Variants in SPRYD7 observed in about 807,000 individuals in gnomAD.
SPRYD7 encodes SPRY domain-containing protein 7.
SPRYD7 carries 14 observed loss-of-function variants against 23.8 expected under a neutral mutation model. The ratio of observed to expected loss-of-function variants is 0.59; its 90% CI spans 0.39 to 0.92. The LOEUF (loss-of-function observed/expected upper bound fraction) is 0.92. Ranked by LOEUF, SPRYD7 falls within the 40% of genes least tolerant of loss-of-function variation. The probability of loss-of-function intolerance (pLI) is 0.00; values close to 1 mark genes in which losing one functional copy is unlikely to be tolerated. For missense variants in SPRYD7, 194 were observed against 241.7 expected (o/e 0.80, Z 1.31); for synonymous variants, 75 against 84.9 (o/e 0.88, Z 0.64).
intron 4 of SPRYD7, among the ~76,000 whole-genome samples, chr13:49,917,564 T>A (rs1453749420): frequency 6.6e-6 from 1 of 152,248 alleles, no homozygotes; most frequent in East Asian, 1.9e-4. Context: ...TTATCTTTGA[T>A]AGGATCAGGC....
At chr13:49,924,498 G>T (rs1955856977) in intron 3 of SPRYD7, among the ~76,000 whole-genome samples, 1 of 151,588 alleles carries the variant, frequency 6.6e-6, no homozygotes, top group African/African-American at 2.4e-5. Flanking sequence ...GTAGAGATGG[G>T]GTCTCACTAT....
chr13:49,916,061 G>T (rs1955748036), intron 4 of SPRYD7, among the ~76,000 whole-genome samples: 1 of 152,138 alleles, frequency 6.6e-6, no homozygotes, highest in South Asian at 2.1e-4. Flanking sequence ...TGGTGAGTAG[G>T]ATATAAGAGG....
intron 3 of SPRYD7, among the ~76,000 whole-genome samples, chr13:49,922,273 TTAAAA>T (rs1401498246): frequency 1.1e-4 from 16 of 149,642 alleles, no homozygotes; most frequent in Non-Finnish European, 2.4e-4. Context: ...ATAATTATTG[TTAAAA>T]TAATTATTTT....
At chr13:49,926,199 A>G (rs1955880921) in intron 3 of SPRYD7, among the ~76,000 whole-genome samples, 1 of 152,204 alleles carries the variant, frequency 6.6e-6, no homozygotes, top group South Asian at 2.1e-4. Context: ...CTCGAAGTCT[A>G]ATTTAACAAC....
intron 1 of SPRYD7, among the ~76,000 whole-genome samples, 188 bp from the exon 2 acceptor site, chr13:49,931,322 G>A (rs1955946067): frequency 6.6e-6 from 1 of 152,134 alleles, no homozygotes; most frequent in Non-Finnish European, 1.5e-5. Context: ...TGGGACTACA[G>A]GTGTGCACCA....
chr13:49,935,135 G>A (rs1871556469), intron 1 of SPRYD7, among the ~76,000 whole-genome samples: 1 of 152,128 alleles, frequency 6.6e-6, no homozygotes, highest in South Asian at 2.1e-4. Flanking sequence ...AAAATACAGT[G>A]GGCAGAGTGT....
rs947503001 is a variant in SPRYD7, at chr13:49,912,784, A to T, written c.*2279T>A. 7.2e-5 allele frequency: 11 copies of T among 152,232 alleles called. No homozygotes were observed. The highest frequency in any genetic ancestry group is 3.3e-4 in the Admixed American group (5 of 15,288). The allele number at this position is 152,232 out of a possible 1,614,324, so 9.4% of individuals were successfully genotyped here. A position where few individuals can be genotyped will look rare whatever the true frequency, so the allele number is the denominator to read the frequency against. On this transcript the variant is annotated 3_prime_UTR_variant, in exon 5 of 5. Coordinates refer to ENST00000361840, the MANE Select transcript of SPRYD7 (RefSeq NM_020456.4). ...CAAATTAAAATTATGATAGAAAGCC[A>T]GACAAAATGCATAATACATACATAG...
intron 1 of SPRYD7, among the ~76,000 whole-genome samples, chr13:49,934,241 A>G (rs1871510147): frequency 6.6e-6 from 1 of 152,098 alleles, no homozygotes; most frequent in Non-Finnish European, 1.5e-5. Flanking sequence ...GAATAATTTA[A>G]GTTTATAGAA....
At chr13:49,924,437 G>A (rs1421589774) in intron 3 of SPRYD7, among the ~76,000 whole-genome samples, 1 of 151,960 alleles carries the variant, frequency 6.6e-6, no homozygotes, top group African/African-American at 2.4e-5. Flanking sequence ...CACTATGCCC[G>A]GCTAATTTTC....
chr13:49,933,970 A>G (rs1490568247), intron 1 of SPRYD7, among the ~76,000 whole-genome samples: 1 of 152,194 alleles, frequency 6.6e-6, no homozygotes, highest in Non-Finnish European at 1.5e-5. Flanking sequence ...GAGGAATTCC[A>G]AAGTGGTTTT....
chr13:49,929,740 C>A (rs1279428895), intron 2 of SPRYD7, among the ~76,000 whole-genome samples: 1 of 151,712 alleles, frequency 6.6e-6, no homozygotes, highest in Non-Finnish European at 1.5e-5. Flanking sequence ...CGTGATCCAC[C>A]CCCTCGGCCT....
Position 49,914,370 on chromosome 13 carries a change from A to G in SPRYD7, c.*693T>C, listed in dbSNP as rs929946207. The stretch of plus-strand genomic sequence containing the variant: ...TCATTTAAATGTAAAGCATCATACT[A>G]TTCTAGATGTCTGCCAGTGTATACT... On this transcript the variant is annotated 3_prime_UTR_variant, in exon 5 of 5. Transcript: ENST00000361840. The G allele has an allele frequency of 4.6e-5, 7 of 153,666 alleles. No homozygotes were observed. Among genetic ancestry groups the G allele is most frequent in the African/African-American group, 1.7e-4 (7 of 41,594 alleles). 9.5% of individuals were successfully genotyped at this position (153,666 alleles called of 1,614,324 possible).
intron 3 of SPRYD7, among the ~76,000 whole-genome samples, chr13:49,923,203 C>T (rs1955839178): frequency 6.6e-6 from 1 of 151,998 alleles, no homozygotes; most frequent in Admixed American, 6.6e-5. Flanking sequence ...GTAATCCAGG[C>T]ACTTTCATCC....
chr13:49,919,726 CAAA>C (rs1303310878), intron 4 of SPRYD7, among the ~76,000 whole-genome samples: 5 of 73,122 alleles, frequency 6.8e-5, no homozygotes, highest in Non-Finnish European at 8.4e-5. Context: ...GACTCTGTCT[CAAA>C]AAAAAAAAAA....
intron 2 of SPRYD7, among the ~76,000 whole-genome samples, chr13:49,928,335 A>G (rs760261297): frequency 2.0e-5 from 3 of 152,208 alleles, no homozygotes; most frequent in Non-Finnish European, 4.4e-5. Context: ...CCAGCTACTC[A>G]GGAGGCTGAG....
intron 3 of SPRYD7, among the ~76,000 whole-genome samples, chr13:49,926,438 G>A (rs895764357): frequency 6.6e-6 from 1 of 152,142 alleles, no homozygotes; most frequent in Non-Finnish European, 1.5e-5. Flanking sequence ...ATTTGAATAA[G>A]GATGTTCCAT....
chr13:49,921,043 T>A (rs1955812890), intron 4 of SPRYD7, among the ~76,000 whole-genome samples: 1 of 152,168 alleles, frequency 6.6e-6, no homozygotes, highest in Admixed American at 6.6e-5. Context: ...AAAAGTAACA[T>A]ACACGCTGAT....
intron 4 of SPRYD7, among the ~76,000 whole-genome samples, chr13:49,919,542 C>CA (rs577869174): frequency 3.3e-4 from 49 of 150,012 alleles, no homozygotes; most frequent in Non-Finnish European, 4.9e-4. Context: ...GACTCTGTCT[C>CA]AAAAAAAACA....
At position 49,936,273 on chromosome 13, in the gene SPRYD7, C is replaced by G; in HGVS notation, c.-38G>C. 1 of 1,453,792 alleles carries G rather than the reference C, an allele frequency of 6.9e-7. No individual in the cohort carries two copies. Among genetic ancestry groups the G allele is most frequent in the Non-Finnish European group, 9.4e-7 (1 of 1,063,266 alleles). 90.1% of individuals were successfully genotyped at this position (1,453,792 alleles called of 1,614,324 possible). A position where few individuals can be genotyped will look rare whatever the true frequency, so the allele number is the denominator to read the frequency against. ...ACCGACTCCGCCGCCGTCCCTAGAC[C>G]GAGGCGACACTGCCCCCCGCCGCTC... is the stretch of plus-strand genomic sequence containing the variant. On this transcript the variant is annotated 5_prime_UTR_variant, in exon 1 of 5. Transcript: ENST00000361840.
Sources: gnomAD v4.1 joint callset for allele counts (sites outside exome capture counted in the v4.1 genomes callset) on GRCh38, gnomAD v4.1.1 for gene constraint, MANE v1.5 for transcripts, NCBI Gene and HGNC (gene_info 2026-07-23, HGNC 2026-07-21) for gene names.